Variants in STK32B observed in about 807,000 individuals in gnomAD.
STK32B encodes serine/threonine-protein kinase 32B.
Under a neutral mutation model 52.6 loss-of-function variants are expected in STK32B, and 43 were observed. The observed-to-expected ratio is 0.82, with a 90% CI of 0.64 to 1.05. The LOEUF is 1.05. STK32B is among the 50% of genes least tolerant of loss of function. The probability of loss-of-function intolerance (pLI) is 0.00; values close to 1 mark genes in which losing one functional copy is unlikely to be tolerated. For synonymous variants in STK32B, 238 were observed against 204.3 expected (o/e 1.17, Z -1.41); for missense variants, 621 against 534.6 (o/e 1.16, Z -1.59).
At chr4:5,093,611 T>C (rs576589053) in intron 1 of STK32B, among the ~76,000 whole-genome samples, 1 of 152,236 alleles carries the variant, frequency 6.6e-6, no homozygotes, top group African/African-American at 2.4e-5. Flanking sequence ...TACCTAATGT[T>C]AAATGATGAG....
At chr4:5,442,645 T>C (rs1334135630) in intron 6 of STK32B, among the ~76,000 whole-genome samples, 2 of 152,046 alleles carry the variant, frequency 1.3e-5, no homozygotes, top group African/African-American at 4.8e-5. Context: ...GATCCTGTCA[T>C]GATGATGTTA....
intron 1 of STK32B, among the ~76,000 whole-genome samples, chr4:5,070,995 A>G (rs1329657175): frequency 1.3e-5 from 2 of 152,194 alleles, no homozygotes; most frequent in African/African-American, 4.8e-5. Flanking sequence ...AATTGCTTCC[A>G]GAGCAAAATC....
At chr4:5,032,849 G>C in the STK32B span, among the ~76,000 whole-genome samples, 1 of 152,048 alleles carries the variant, frequency 6.6e-6, no homozygotes, top group African/African-American at 2.4e-5. Context: ...GTCCTTTAGA[G>C]GCCCAGTTTG....
chr4:5,306,381 A>G (rs1188303831), intron 3 of STK32B, among the ~76,000 whole-genome samples: 1 of 152,102 alleles, frequency 6.6e-6, no homozygotes, highest in Non-Finnish European at 1.5e-5. Context: ...TGAATTTGGG[A>G]ACTCCAGCGT....
the STK32B span, among the ~76,000 whole-genome samples, chr4:5,028,561 C>T: frequency 6.6e-6 from 1 of 152,254 alleles, no homozygotes; most frequent in Non-Finnish European, 1.5e-5. Flanking sequence ...ATTGCTTTCT[C>T]TCTGCCATGG....
At chr4:5,022,114 A>G in the STK32B span, among the ~76,000 whole-genome samples, 1,257 of 152,248 alleles carry the variant, frequency 8.3e-3, 16 homozygotes, top group African/African-American at 0.028. Flanking sequence ...CGGGAATTCT[A>G]TCTGCTTTCT....
At chr4:5,106,011 G>A (rs992974790) in intron 1 of STK32B, among the ~76,000 whole-genome samples, 5 of 151,878 alleles carry the variant, frequency 3.3e-5, no homozygotes, top group Admixed American at 2.6e-4. Context: ...CAATCATAGA[G>A]GATATCCTTG....
At chr4:5,181,244 A>C (rs1396305187) in intron 3 of STK32B, among the ~76,000 whole-genome samples, 4 of 152,000 alleles carry the variant, frequency 2.6e-5, no homozygotes, top group African/African-American at 9.7e-5. Flanking sequence ...GTAAGAGGTA[A>C]TTACAGCTGA....
chr4:5,256,650 C>T (rs1389076798), intron 3 of STK32B, among the ~76,000 whole-genome samples: 1 of 152,242 alleles, frequency 6.6e-6, no homozygotes, highest in Non-Finnish European at 1.5e-5. Context: ...CTGAGTCAGA[C>T]ATCCTGTCCC....
At chr4:5,217,754 A>G (rs868841767) in intron 3 of STK32B, among the ~76,000 whole-genome samples, 17 of 152,200 alleles carry the variant, frequency 1.1e-4, no homozygotes, top group Non-Finnish European at 2.2e-4. Context: ...CAGAGTCCCC[A>G]GTAGAAAGGG....
At chr4:5,487,823 G>A (rs1719364298) in intron 11 of STK32B, among the ~76,000 whole-genome samples, 1 of 152,132 alleles carries the variant, frequency 6.6e-6, no homozygotes, top group African/African-American at 2.4e-5. Context: ...ATTTTGGTTT[G>A]CAGTTTAAAT....
chr4:5,154,231 T>C (rs1003767199), intron 2 of STK32B, among the ~76,000 whole-genome samples: 3 of 142,338 alleles, frequency 2.1e-5, no homozygotes, highest in South Asian at 2.2e-4. Flanking sequence ...TTTTTTTTTT[T>C]CATGACAGAG....
intron 3 of STK32B, among the ~76,000 whole-genome samples, chr4:5,293,489 G>C (rs1328606935): frequency 6.6e-6 from 1 of 152,068 alleles, no homozygotes; most frequent in Non-Finnish European, 1.5e-5. Flanking sequence ...GTTCTAACAG[G>C]CATGAGATGG....
At chr4:5,336,925 C>G (rs928760196) in intron 4 of STK32B, among the ~76,000 whole-genome samples, 1 of 152,158 alleles carries the variant, frequency 6.6e-6, no homozygotes, top group African/African-American at 2.4e-5. Context: ...CAGAGAAGAG[C>G]CACAGGTCAT....
rs139345926 is a variant in STK32B at position 5,246,604 on chromosome 4, T to C, written c.260+78154T>C. Reference sequence around the variant, plus strand: ...AGTCATTCTCTGTCCAGCTTTGTTCTGTTGCTGATGAGGAGCTGCGTTCCT... The same window carrying C: ...AGTCATTCTCTGTCCAGCTTTGTTCCGTTGCTGATGAGGAGCTGCGTTCCT... On this transcript the variant is annotated intron_variant, in intron 3 of 11. Coordinates refer to ENST00000282908, the MANE Select transcript of STK32B (RefSeq NM_018401.3). Among the ~76,000 whole-genome samples, 600 of 152,334 alleles carry C rather than the reference T, an allele frequency of 3.9e-3. 15 individuals are homozygous for C. The East Asian group carries it at 0.075, about 19-fold the overall frequency.
intron 3 of STK32B, among the ~76,000 whole-genome samples, chr4:5,187,005 C>T (rs550262696): frequency 3.9e-5 from 6 of 152,310 alleles, no homozygotes; most frequent in Admixed American, 1.3e-4. Flanking sequence ...CAGAGGGCTG[C>T]ATGAGGAGCC....
intron 1 of STK32B, among the ~76,000 whole-genome samples, chr4:5,125,134 T>C (rs2108815000): frequency 6.6e-6 from 1 of 152,292 alleles, no homozygotes; most frequent in Admixed American, 6.5e-5. Flanking sequence ...AACGGAATCC[T>C]GCTAATTATC....
intron 2 of STK32B, among the ~76,000 whole-genome samples, chr4:5,149,110 C>T (rs967048006): frequency 2.6e-5 from 4 of 151,754 alleles, no homozygotes; most frequent in African/African-American, 9.7e-5. Context: ...GTTGGTGTTA[C>T]TTTTTAAAAT....
intron 4 of STK32B, among the ~76,000 whole-genome samples, chr4:5,337,394 A>G (rs1400004806): frequency 1.3e-5 from 2 of 152,152 alleles, no homozygotes; most frequent in African/African-American, 2.4e-5. Context: ...TGGTCCTCCC[A>G]TATACCTTTT....
Sources: gnomAD v4.1 joint callset for allele counts (sites outside exome capture counted in the v4.1 genomes callset) on GRCh38, gnomAD v4.1.1 for gene constraint, MANE v1.5 for transcripts, NCBI Gene and HGNC (gene_info 2026-07-23, HGNC 2026-07-21) for gene names.